Variants in CPEB2 observed in about 807,000 individuals in gnomAD.
CPEB2 encodes the protein cytoplasmic polyadenylation element binding protein 2.
CPEB2 carries 56 observed loss-of-function variants against 93.6 expected under a neutral mutation model. That is an observed-to-expected ratio of 0.60 (90% CI 0.48 to 0.75). The LOEUF is 0.75. Ranked by LOEUF, CPEB2 falls within the 30% of genes least tolerant of loss-of-function variation. CPEB2 has a pLI of 0.00. For synonymous variants in CPEB2, 764 were observed against 586.3 expected (o/e 1.30, Z -4.38); for missense variants, 1,579 against 1,395.1 (o/e 1.13, Z -2.10).
chr4:15,041,929 T>TA (rs889952347), intron 6 of CPEB2, among the ~76,000 whole-genome samples: 1 of 152,198 alleles, frequency 6.6e-6, no homozygotes, highest in Non-Finnish European at 1.5e-5. Context: ...ACTAAAAACT[T>TA]AGAGGAGACA....
intron 8 of CPEB2, among the ~76,000 whole-genome samples, chr4:15,055,809 G>A (rs1207719880): frequency 6.6e-6 from 1 of 152,012 alleles, no homozygotes; most frequent in Non-Finnish European, 1.5e-5. Context: ...GTTCTCTCCA[G>A]CCTCAGTGCT....
At chr4:15,055,873 A>G (rs1728669919) in intron 8 of CPEB2, among the ~76,000 whole-genome samples, 1 of 151,996 alleles carries the variant, frequency 6.6e-6, no homozygotes. Context: ...GTCTCTTTAT[A>G]TATTCCCTAC....
rs952080876 is a variant in CPEB2 at position 15,003,878 on chromosome 4, C to T, written c.1205C>T (p.Pro402Leu). The T allele has an allele frequency of 7.0e-6, 6 of 861,520 alleles. No homozygotes were observed. The African/African-American group carries it at 9.1e-5, about 13-fold the overall frequency. The allele number at this position is 861,520 out of a possible 1,614,324, so 53.4% of individuals were successfully genotyped here. A position where few individuals can be genotyped will look rare whatever the true frequency, so the allele number is the denominator to read the frequency against. The stretch of plus-strand genomic sequence containing the variant: ...CCCCAGCAGCCGCCGCCGACCCAGC[C>T]GCAGCAGCAGCCGCCGCCACCCCAG... ...PQPQQPPPTQ[P>L]QQQPPPPQQP... The change falls in exon 1 of 12, where the codon CCG becomes CTG. Residue 402 changes from proline to leucine, a missense_variant. Physicochemically the swap from Pro to Leu is moderately conservative, Grantham distance 98 (BLOSUM62 -3). Coordinates refer to ENST00000538197, the MANE Select transcript of CPEB2 (RefSeq NM_001177382.2).
chr4:15,015,244 A>G (rs1723985701), intron 3 of CPEB2, among the ~76,000 whole-genome samples: 1 of 152,084 alleles, frequency 6.6e-6, no homozygotes, highest in Non-Finnish European at 1.5e-5. Flanking sequence ...ATTCTGAAGC[A>G]TGTTCAAGTT....
intron 6 of CPEB2, among the ~76,000 whole-genome samples, chr4:15,047,946 A>G: frequency 6.8e-6 from 1 of 146,370 alleles, no homozygotes; most frequent in African/African-American, 2.5e-5. Flanking sequence ...ATAGCTGTTG[A>G]GTTTTATCAG....
intron 2 of CPEB2, among the ~76,000 whole-genome samples, chr4:15,008,093 T>G (rs1478355649): frequency 1.3e-5 from 2 of 152,222 alleles, no homozygotes; most frequent in Non-Finnish European, 2.9e-5. Flanking sequence ...TTATTTTTTC[T>G]AAATGTGGCC....
chr4:15,045,467 G>C (rs1727577987), intron 6 of CPEB2, among the ~76,000 whole-genome samples: 1 of 152,030 alleles, frequency 6.6e-6, no homozygotes, highest in South Asian at 2.1e-4. Context: ...GCATTTTTGT[G>C]TAACGGTTTA....
chr4:15,006,880 G>A (rs994254362), intron 1 of CPEB2, among the ~76,000 whole-genome samples: 7 of 152,088 alleles, frequency 4.6e-5, no homozygotes, highest in African/African-American at 1.7e-4. Flanking sequence ...GTATGAGTAG[G>A]ATATTTTAAT....
At chr4:15,025,231 T>C (rs1220117988) in intron 4 of CPEB2, among the ~76,000 whole-genome samples, 2 of 150,730 alleles carry the variant, frequency 1.3e-5, no homozygotes, top group African/African-American at 4.8e-5. Flanking sequence ...TTTTAAAACC[T>C]CCTTTAAAAA....
chr4:15,003,726 C>T lies in CPEB2; in HGVS notation c.1053C>T (p.Gly351=). Residue 351 remains glycine (G), a synonymous_variant, in exon 1 of 12, where the codon GGC becomes GGT. Coordinates refer to ENST00000538197, the MANE Select transcript of CPEB2 (RefSeq NM_001177382.2). ...SLQSPDLPHP[G]GGGGGGGGGP... ...AGAGCCCGGACCTTCCACACCCGGG[C>T]GGCGGCGGCGGCGGCGGGGGCGGGG... is the stretch of plus-strand genomic sequence containing the variant. 2 of 1,110,262 alleles carry T rather than the reference C, an allele frequency of 1.8e-6. No homozygotes were observed. Among genetic ancestry groups the T allele is most frequent in the Non-Finnish European group, 2.2e-6 (2 of 903,610 alleles). The allele number at this position is 1,110,262 out of a possible 1,614,324, so 68.8% of individuals were successfully genotyped here.
In CPEB2 at chr4:15,066,495, C is replaced by G. The variant is rs1729716984; in HGVS notation, c.*115C>G. On this transcript the variant is annotated 3_prime_UTR_variant, in exon 12 of 12. Transcript: ENST00000538197. ...TGCATTCTTCTGCTTTTCACCCCAG[C>G]TATCAATACATGCATCTTTATCAGC... is the stretch of plus-strand genomic sequence containing the variant. The G allele has an allele frequency of 1.4e-6, 1 of 732,970 alleles. No homozygotes were observed. The highest frequency in any genetic ancestry group is 2.7e-5 in the East Asian group (1 of 36,980). 45.4% of individuals were successfully genotyped at this position (732,970 alleles called of 1,614,324 possible).
At chr4:15,059,067 A>G (rs956220633) in intron 9 of CPEB2, 120 bp from the exon 10 acceptor site, 2 of 534,736 alleles carry the variant, frequency 3.7e-6, no homozygotes, top group Non-Finnish European at 6.7e-6. Context: ...ATTTGTTTCC[A>G]GATCCCACTA....
At chr4:15,036,531 A>T (rs953056812) in intron 5 of CPEB2, among the ~76,000 whole-genome samples, 2 of 151,678 alleles carry the variant, frequency 1.3e-5, no homozygotes, top group Admixed American at 6.6e-5. Flanking sequence ...TCAGTAGTTT[A>T]AAAAAAAACC....
intron 8 of CPEB2, among the ~76,000 whole-genome samples, chr4:15,055,595 C>G (rs1396172372): frequency 6.6e-6 from 1 of 152,194 alleles, no homozygotes; most frequent in Admixed American, 6.5e-5. Flanking sequence ...TAGCCCTCTT[C>G]AGTTTTCTCC....
At chr4:15,026,386 C>T (rs1039524694) in intron 4 of CPEB2, among the ~76,000 whole-genome samples, 3 of 151,216 alleles carry the variant, frequency 2.0e-5, no homozygotes, top group African/African-American at 7.4e-5. Context: ...GCCACCACAC[C>T]CGGCTAATTT....
chr4:15,033,636 GGT>G (rs1726340333), intron 5 of CPEB2, among the ~76,000 whole-genome samples: 1 of 152,122 alleles, frequency 6.6e-6, no homozygotes, highest in Non-Finnish European at 1.5e-5. Flanking sequence ...GGAATATACT[GGT>G]AACTCTATAA....
intron 4 of CPEB2, among the ~76,000 whole-genome samples, chr4:15,019,818 T>G (rs1057462447): frequency 1.3e-5 from 2 of 152,014 alleles, no homozygotes; most frequent in Non-Finnish European, 2.9e-5. Context: ...TGAGGAGAGA[T>G]ATTAGTTATC....
At chr4:15,063,963 T>C (rs1199346727) in intron 11 of CPEB2, 1 of 152,124 alleles carries the variant, frequency 6.6e-6, no homozygotes. Flanking sequence ...AAAGAAATAT[T>C]AAACCATTAA....
chr4:15,059,647 T>C (rs1235779723), intron 10 of CPEB2, among the ~76,000 whole-genome samples: 1 of 142,436 alleles, frequency 7.0e-6, no homozygotes, highest in East Asian at 2.1e-4. Flanking sequence ...GATTCTGATA[T>C]CTGAAAAAGA....
Sources: allele counts gnomAD v4.1 joint callset (sites outside exome capture counted in the v4.1 genomes callset), GRCh38; gene constraint gnomAD v4.1.1; transcripts MANE v1.5; gene names NCBI Gene and HGNC (gene_info 2026-07-23, HGNC 2026-07-21).